Variants in FCER1A observed in about 807,000 individuals in gnomAD.
The protein encoded by FCER1A is Fc epsilon receptor Ia.
In FCER1A, 24 loss-of-function variants were observed where a neutral mutation model predicts 23.6. The ratio of observed to expected loss-of-function variants is 1.02; its 90% CI spans 0.74 to 1.43. The LOEUF (loss-of-function observed/expected upper bound fraction) is 1.43, where lower values mean the gene tolerates loss of function less well. FCER1A is among the 40% of genes most tolerant of loss of function. FCER1A has a pLI of 0.00. For synonymous variants in FCER1A, 121 were observed against 108.8 expected (o/e 1.11, Z -0.70); for missense variants, 318 against 294.5 (o/e 1.08, Z -0.58).
chr1:159,304,637 C>T (rs1481913340), intron 3 of FCER1A, among the ~76,000 whole-genome samples: 1 of 152,002 alleles, frequency 6.6e-6, no homozygotes, highest in Middle Eastern at 3.2e-3. Flanking sequence ...AAAAAGACCC[C>T]TGCATCTCTT....
At position 159,306,036 on chromosome 1, in the gene FCER1A, C is replaced by A. The variant is rs755511141; in HGVS notation, c.380C>A (p.Pro127His). 1 of 1,613,896 alleles carries A rather than the reference C, an allele frequency of 6.2e-7. No individual in the cohort carries two copies. ...GCTGAGGTGGTGATGGAGGGCCAGC[C>A]CCTCTTCCTCAGGTGCCATGGTTGG... ...ASAEVVMEGQPLFLRCHGWRN... is the reference protein window; with the variant it reads ...ASAEVVMEGQHLFLRCHGWRN... Residue 127 changes from proline to histidine, a missense_variant, in exon 4 of 5, where the codon CCC becomes CAC. Coordinates refer to ENST00000693622, the MANE Select transcript of FCER1A (RefSeq NM_001387280.1).
At chr1:159,293,169 T>A (rs1172962306) in intron 1 of FCER1A, among the ~76,000 whole-genome samples, 1 of 30,246 alleles carries the variant, frequency 3.3e-5, no homozygotes, top group East Asian at 1.5e-3. Flanking sequence ...ACATACACAC[T>A]GTGTGTGTGT....
At chr1:159,297,630 A>G (rs528065828), upstream of FCER1A, among the ~76,000 whole-genome samples, 3 of 152,334 alleles carry the variant, frequency 2.0e-5, no homozygotes, top group African/African-American at 4.8e-5. Context: ...CTCAAACTTT[A>G]GAGCTTGTTC....
chr1:159,290,384 AACCCTAGCAGTGTCAGATTCTCCATCAGT>A (rs376609239), intron 1 of FCER1A, among the ~76,000 whole-genome samples: 103 of 152,246 alleles, frequency 6.8e-4, no homozygotes, highest in African/African-American at 2.4e-3. Context: ...TTTTCCTGCA[AACCCTAGCAGTGTCAGATTCTCCATCAGT>A]ACCCTAGCAG....
At chr1:159,307,659 C>A (rs887075647) in intron 4 of FCER1A, 89 bp from the exon 5 acceptor site, 1 of 968,050 alleles carries the variant, frequency 1.0e-6, no homozygotes, top group Non-Finnish European at 1.6e-6. Context: ...AAAGCTTGGT[C>A]TTTCTCTTAG....
intron 3 of FCER1A, among the ~76,000 whole-genome samples, chr1:159,305,516 C>T (rs772138091): frequency 2.0e-5 from 3 of 152,098 alleles, no homozygotes; most frequent in Non-Finnish European, 4.4e-5. Context: ...TAAAGAATTA[C>T]ATAAGTAATT....
upstream of FCER1A, among the ~76,000 whole-genome samples, chr1:159,299,042 C>T (rs974587126): frequency 1.3e-5 from 2 of 152,192 alleles, no homozygotes; most frequent in African/African-American, 4.8e-5. Context: ...AATTCTAATT[C>T]CTTTACATAG....
chr1:159,302,966 C>T, intron 2 of FCER1A, 92 bp downstream of exon 2: 5 of 1,217,032 alleles, frequency 4.1e-6, no homozygotes, highest in Non-Finnish European at 6.1e-6. Flanking sequence ...CTTCTGCTTT[C>T]TAATGAGCAT....
intron 1 of FCER1A, among the ~76,000 whole-genome samples, chr1:159,293,011 A>G (rs1195036359): frequency 6.6e-6 from 1 of 151,964 alleles, no homozygotes; most frequent in African/African-American, 2.4e-5. Context: ...AGACCCCTTG[A>G]CCTTGAACTT....
At chr1:159,283,953 G>A in the FCER1A span, among the ~76,000 whole-genome samples, 604 of 152,234 alleles carry the variant, frequency 4.0e-3, 6 homozygotes, top group African/African-American at 0.014. Context: ...AATGTGGGTC[G>A]CTGATGAAGG....
Position 159,306,188 on chromosome 1 carries a change from G to A in FCER1A, c.532G>A (p.Gly178Ser), listed in dbSNP as rs537197465. The A allele has an allele frequency of 5.0e-6, 8 of 1,613,878 alleles. No homozygotes were observed. Among genetic ancestry groups the A allele is most frequent in the Non-Finnish European group, 6.8e-6 (8 of 1,179,914 alleles). Reference protein sequence around the residue: ...VEDSGTYYCTGKVWQLDYESE... With the variant: ...VEDSGTYYCTSKVWQLDYESE... ...AGACAGTGGAACCTACTACTGTACG[G>A]GCAAAGTGTGGCAGCTGGACTATGA... Residue 178 changes from glycine to serine, a missense_variant, in exon 4 of 5, where the codon GGC becomes AGC. Transcript: ENST00000693622.
At chr1:159,284,995 C>G (rs756653918), upstream of FCER1A, among the ~76,000 whole-genome samples, 1 of 152,108 alleles carries the variant, frequency 6.6e-6, no homozygotes, top group Non-Finnish European at 1.5e-5. Context: ...GATTGTAACT[C>G]GTTAAAAGTT....
intron 1 of FCER1A, among the ~76,000 whole-genome samples, chr1:159,292,723 G>A (rs1448094968): frequency 3.3e-5 from 5 of 152,082 alleles, no homozygotes; most frequent in Admixed American, 6.6e-5. Context: ...TCCAAACTTC[G>A]TGATGAAACT....
chr1:159,307,723 T>C lies in FCER1A; in HGVS notation c.590-25T>C, dbSNP rs181227379. ...CAGTTCCCAAGATGAATTATGTTTC[T>C]CATTGCATCTGTGTTCCACTACAGC... On this transcript the variant is annotated intron_variant, in intron 4 of 4. Transcript: ENST00000693622. The C allele has an allele frequency of 9.4e-5, 144 of 1,532,768 alleles. 1 individual carries two copies. In the African/African-American group the frequency reaches 1.5e-3, roughly 16 times the overall value. The allele number at this position is 1,532,768 out of a possible 1,614,324, so 94.9% of individuals were successfully genotyped here. A position where few individuals can be genotyped will look rare whatever the true frequency, so the allele number is the denominator to read the frequency against.
intron 1 of FCER1A, among the ~76,000 whole-genome samples, chr1:159,291,930 A>T (rs1557966333): frequency 6.6e-6 from 1 of 152,084 alleles, no homozygotes; most frequent in Non-Finnish European, 1.5e-5. Context: ...TTCACCTCTC[A>T]ACAAGATTCA....
intron 4 of FCER1A, among the ~76,000 whole-genome samples, chr1:159,307,505 C>T (rs1472709281): frequency 4.6e-5 from 7 of 152,112 alleles, no homozygotes; most frequent in Admixed American, 6.5e-5. Flanking sequence ...CCTCTGGGCA[C>T]GGCACACTGG....
At chr1:159,307,127 G>A (rs892153613) in intron 4 of FCER1A, among the ~76,000 whole-genome samples, 1 of 152,102 alleles carries the variant, frequency 6.6e-6, no homozygotes, top group Non-Finnish European at 1.5e-5. Context: ...TGCAGCCTGG[G>A]TATACGTATT....
chr1:159,300,101 G>A (rs1342654007), upstream of FCER1A, among the ~76,000 whole-genome samples: 1 of 151,878 alleles, frequency 6.6e-6, no homozygotes, highest in Non-Finnish European at 1.5e-5. Flanking sequence ...TTCAATACCG[G>A]GCACTTAAGC....
chr1:159,291,028 G>T (rs1452861987), intron 1 of FCER1A, among the ~76,000 whole-genome samples: 2 of 151,980 alleles, frequency 1.3e-5, no homozygotes, highest in African/African-American at 2.4e-5. Context: ...AAGGAATAAT[G>T]TCAATATAAC....
Sources: allele counts gnomAD v4.1 joint callset (sites outside exome capture counted in the v4.1 genomes callset), GRCh38; gene constraint gnomAD v4.1.1; transcripts MANE v1.5; gene names NCBI Gene and HGNC (gene_info 2026-07-23, HGNC 2026-07-21).